Variants in ADK observed in about 807,000 individuals in gnomAD.
ADK encodes adenosine kinase.
In ADK, 24 loss-of-function variants were observed where a neutral mutation model predicts 44.7. The observed-to-expected ratio is 0.54, with a 90% confidence interval of 0.39 to 0.76. ADK has a LOEUF of 0.76. ADK is among the 30% of genes least tolerant of loss of function. The probability of loss-of-function intolerance (pLI) is 0.00; values close to 1 mark genes in which losing one functional copy is unlikely to be tolerated. For missense variants in ADK, 321 were observed against 425.1 expected (o/e 0.76, Z 2.15); for synonymous variants, 128 against 142.6 (o/e 0.90, Z 0.73).
At chr10:74,412,571 T>C (rs1033404159) in intron 6 of ADK, among the ~76,000 whole-genome samples, 19 of 152,186 alleles carry the variant, frequency 1.2e-4, no homozygotes, top group African/African-American at 4.6e-4. Context: ...TAAATAAGAT[T>C]TGAAAGTCAA....
At chr10:74,384,734 T>C (rs980827786) in intron 4 of ADK, among the ~76,000 whole-genome samples, 1 of 152,088 alleles carries the variant, frequency 6.6e-6, no homozygotes, top group African/African-American at 2.4e-5. Context: ...ATTGTCTCAG[T>C]AAGTGAAACC....
chr10:74,560,940 T>G (rs1850437986), intron 7 of ADK, among the ~76,000 whole-genome samples: 1 of 152,208 alleles, frequency 6.6e-6, no homozygotes, highest in Non-Finnish European at 1.5e-5. Flanking sequence ...TTGGAATGTT[T>G]GGCATAAGTA....
intron 7 of ADK, among the ~76,000 whole-genome samples, chr10:74,577,235 T>G (rs1184908492): frequency 6.6e-6 from 1 of 151,730 alleles, no homozygotes; most frequent in Non-Finnish European, 1.5e-5. Context: ...TGTGGGGTAG[T>G]TTTGTTTTTT....
chr10:74,593,385 A>G (rs1851783882), intron 8 of ADK, among the ~76,000 whole-genome samples: 1 of 151,496 alleles, frequency 6.6e-6, no homozygotes, highest in South Asian at 2.1e-4. Flanking sequence ...GTGACCAGAG[A>G]GTGTACCATG....
chr10:74,589,657 A>C (rs1851649648), intron 8 of ADK, among the ~76,000 whole-genome samples: 1 of 152,208 alleles, frequency 6.6e-6, no homozygotes, highest in South Asian at 2.1e-4. Context: ...GCTGCATTAC[A>C]TTTCATAAGG....
intron 6 of ADK, among the ~76,000 whole-genome samples, chr10:74,487,732 A>G (rs1008410565): frequency 2.6e-5 from 4 of 152,058 alleles, no homozygotes; most frequent in Admixed American, 6.6e-5. Context: ...CTTTTGGGGA[A>G]GACATCACAG....
At chr10:74,614,632 C>G (rs550980462) in intron 9 of ADK, among the ~76,000 whole-genome samples, 14 of 152,178 alleles carry the variant, frequency 9.2e-5, no homozygotes, top group African/African-American at 2.9e-4. Flanking sequence ...GAAATGGAAC[C>G]ACTCAGTATG....
chr10:74,464,087 A>G (rs542801955), intron 6 of ADK, among the ~76,000 whole-genome samples: 2 of 152,264 alleles, frequency 1.3e-5, no homozygotes, highest in Admixed American at 1.3e-4. Flanking sequence ...AAAACTATAT[A>G]CGTATAGTCT....
intron 3 of ADK, among the ~76,000 whole-genome samples, chr10:74,257,265 G>A (rs1019474677): frequency 3.9e-5 from 6 of 152,140 alleles, no homozygotes; most frequent in Non-Finnish European, 8.8e-5. Flanking sequence ...CTCTGTATGC[G>A]CAAGTTTCGT....
chr10:74,444,427 C>T lies in ADK; in HGVS notation c.555+45848C>T, dbSNP rs950761617. Among the ~76,000 whole-genome samples, 9 of 152,074 alleles carry T rather than the reference C, an allele frequency of 5.9e-5. 1 individual carries two copies. Among genetic ancestry groups the T allele is most frequent in the South Asian group, 4.1e-4 (2 of 4,828 alleles). ...CTCCTGTTTTATACTGATCTTTTCACGAATGTGAACCTTTTTCTTGAAAGA... is the reference window on the plus strand; with the variant it reads ...CTCCTGTTTTATACTGATCTTTTCATGAATGTGAACCTTTTTCTTGAAAGA... On this transcript the variant is annotated intron_variant, in intron 6 of 10. Coordinates refer to ENST00000539909, the MANE Select transcript of ADK (RefSeq NM_006721.4).
chr10:74,516,459 G>T (rs1848580665), intron 6 of ADK, among the ~76,000 whole-genome samples: 1 of 151,914 alleles, frequency 6.6e-6, no homozygotes, highest in Non-Finnish European at 1.5e-5. Flanking sequence ...GGTTAGACAA[G>T]CACCAGGTAT....
At chr10:74,647,860 C>T (rs1242341321) in intron 9 of ADK, among the ~76,000 whole-genome samples, 1 of 152,110 alleles carries the variant, frequency 6.6e-6, no homozygotes, top group Non-Finnish European at 1.5e-5. Context: ...TAAGTAAGCT[C>T]ATTTGATACT....
chr10:74,166,686 CAAAAAA>C (rs10710680), intron 1 of ADK, among the ~76,000 whole-genome samples: 2 of 101,238 alleles, frequency 2.0e-5, no homozygotes, highest in Non-Finnish European at 4.0e-5. Context: ...GACTCCGTCT[CAAAAAA>C]AAAAAAAAAG....
chr10:74,567,245 TTAAAA>T (rs1850702601), intron 7 of ADK, among the ~76,000 whole-genome samples: 1 of 152,210 alleles, frequency 6.6e-6, no homozygotes, highest in Non-Finnish European at 1.5e-5. Context: ...ACTATTTAAA[TTAAAA>T]TATTTTATGT....
intron 6 of ADK, among the ~76,000 whole-genome samples, chr10:74,457,546 G>A (rs575231909): frequency 4.6e-4 from 70 of 152,230 alleles, no homozygotes; most frequent in Non-Finnish European, 8.8e-4. Flanking sequence ...TATAAATCAT[G>A]GTGCTATGAA....
intron 3 of ADK, among the ~76,000 whole-genome samples, chr10:74,270,808 A>C (rs552210812): frequency 3.5e-4 from 53 of 152,354 alleles, no homozygotes; most frequent in African/African-American, 1.3e-3. Flanking sequence ...CCTGCTGATC[A>C]GACTTTTCAT....
intron 3 of ADK, among the ~76,000 whole-genome samples, chr10:74,249,093 C>T (rs1845544508): frequency 6.6e-6 from 1 of 152,094 alleles, no homozygotes; most frequent in African/African-American, 2.4e-5. Context: ...GTGAAATTCT[C>T]TTCGGTTGTT....
chr10:74,602,658 A>G (rs1273334166), intron 9 of ADK, among the ~76,000 whole-genome samples: 1 of 152,214 alleles, frequency 6.6e-6, no homozygotes, highest in African/African-American at 2.4e-5. Context: ...TGTTCCTACC[A>G]TATGAAAATG....
At position 74,708,795 on chromosome 10, in the gene ADK, G is replaced by T; in HGVS notation, c.*350G>T. 1 of 235,554 alleles carries T rather than the reference G, an allele frequency of 4.2e-6. No individual in the cohort carries two copies. The highest frequency in any genetic ancestry group is 2.3e-5 in the African/African-American group (1 of 43,056). 14.6% of individuals were successfully genotyped at this position (235,554 alleles called of 1,614,324 possible). ...TTACATTTCTGCTTTGAATGCAGAT[G>T]CAATTTAATATAATAGATTTTTTAA... On this transcript the variant is annotated 3_prime_UTR_variant, in exon 11 of 11. Transcript: ENST00000539909.
Sources: allele counts gnomAD v4.1 joint callset (sites outside exome capture counted in the v4.1 genomes callset), GRCh38; gene constraint gnomAD v4.1.1; transcripts MANE v1.5; gene names NCBI Gene and HGNC (gene_info 2026-07-23, HGNC 2026-07-21).